ZNF14: variants seen among roughly 807,000 people sequenced by gnomAD.
The protein encoded by ZNF14 is gonadotropin inducible transcription repressor-4.
In ZNF14, 9 loss-of-function variants were observed where a neutral mutation model predicts 11.3. The observed-to-expected ratio is 0.80, with a 90% confidence interval of 0.48 to 1.39. The LOEUF (loss-of-function observed/expected upper bound fraction) is 1.39, where lower values mean the gene tolerates loss of function less well. ZNF14 is among the 40% of genes most tolerant of loss of function. The pLI is 0.00. For missense variants in ZNF14, 711 were observed against 763.9 expected, an observed-to-expected ratio of 0.93 and a Z score of 0.82; for synonymous variants, 239 against 245.7, an observed-to-expected ratio of 0.97 and a Z score of 0.25.
chr19:19,716,930 G>T (rs2062379439), intron 1 of ZNF14, among the ~76,000 whole-genome samples: 3 of 152,118 alleles, frequency 2.0e-5, no homozygotes, highest in Admixed American at 6.6e-5. Context: ...GTGACCTGGG[G>T]GCAGGGACAC....
In ZNF14 at chr19:19,715,164, A is replaced by G. The variant is rs77190608; in HGVS notation, c.4-677T>C. ...GTGAGAAAAACTCATTTCCTACCTT[A>G]TTACGTACCATATCACTCAGCATTT... On this transcript the variant is annotated intron_variant, in intron 1 of 3. Coordinates refer to ENST00000344099, the MANE Select transcript of ZNF14 (RefSeq NM_021030.3). 1.5e-3 allele frequency among the ~76,000 whole-genome samples: 232 copies of G among 152,344 alleles called. 1 individual carries two copies. The highest frequency in any genetic ancestry group is 5.4e-3 in the African/African-American group (224 of 41,582).
intron 1 of ZNF14, among the ~76,000 whole-genome samples, chr19:19,718,782 T>C (rs1420030506): frequency 6.6e-6 from 1 of 152,208 alleles, no homozygotes; most frequent in Non-Finnish European, 1.5e-5. Context: ...ACTCTTTTTT[T>C]TGAGACATTG....
In ZNF14 at chr19:19,727,659, T is replaced by C. The variant is rs1264987864; in HGVS notation, c.3+5297A>G. Among the ~76,000 whole-genome samples, 4 of 133,086 alleles carry C rather than the reference T, an allele frequency of 3.0e-5. 1 individual carries two copies. The highest frequency in any genetic ancestry group is 3.0e-4 in the Admixed American group (4 of 13,534). The allele number at this position is 133,086 out of a possible 152,430, so 87.3% of individuals were successfully genotyped here. On this transcript the variant is annotated intron_variant, in intron 1 of 3. Transcript: ENST00000344099. ...CTTTTTTGAACAACTGCCAGAAAAATCAAGGGACTAATAATATGTAGTCTC... is the reference window on the plus strand; with the variant it reads ...CTTTTTTGAACAACTGCCAGAAAAACCAAGGGACTAATAATATGTAGTCTC...
At chr19:19,714,174 C>T in intron 2 of ZNF14, 23 bp from the exon 3 acceptor site, 1 of 1,607,540 alleles carries the variant, frequency 6.2e-7, no homozygotes, top group African/African-American at 1.3e-5. Context: ...CCCAGAAAGA[C>T]CATTAAAAAT....
At chr19:19,719,314 A>G (rs1373180874) in intron 1 of ZNF14, among the ~76,000 whole-genome samples, 1 of 152,240 alleles carries the variant, frequency 6.6e-6, no homozygotes, top group Non-Finnish European at 1.5e-5. Context: ...GAAAAAATAA[A>G]TACAAGTAAA....
intron 1 of ZNF14, among the ~76,000 whole-genome samples, chr19:19,728,979 A>G (rs2062414950): frequency 6.6e-6 from 1 of 152,116 alleles, no homozygotes; most frequent in Non-Finnish European, 1.5e-5. Context: ...ACACCCAGTA[A>G]TCTTTTCCCC....
At position 19,714,149 on chromosome 19, in the gene ZNF14, T is replaced by C. The variant is rs1473233245; in HGVS notation, c.133A>G (p.Lys45Glu). Residue 45 changes from lysine to glutamate, a missense_variant and splice_region_variant, in exon 3 of 4, where the codon AAA (lysine) becomes GAA (glutamate). Transcript: ENST00000344099. ...ETFKNLVCLGKKWEDQDIEDD... is the reference protein window; with the variant it reads ...ETFKNLVCLGEKWEDQDIEDD... ...TCAATGTCCTGGTCTTCCCACTTTT[T>C]TCCTAAAATGCATACCCAGAAAGAC... The C allele has an allele frequency of 2.5e-6, 4 of 1,612,902 alleles. No individual in the cohort carries two copies. The highest frequency in any genetic ancestry group is 4.5e-5 in the East Asian group (2 of 44,872).
chr19:19,732,883 G>C (rs2062428120), intron 1 of ZNF14, 73 bp downstream of exon 1: 1 of 1,592,606 alleles, frequency 6.3e-7, no homozygotes, highest in East Asian at 2.3e-5. Flanking sequence ...TTGACTGCAA[G>C]GAGGTCCCCG....
intron 1 of ZNF14, among the ~76,000 whole-genome samples, chr19:19,723,441 C>T (rs1179555584): frequency 6.6e-6 from 1 of 152,138 alleles, no homozygotes; most frequent in Non-Finnish European, 1.5e-5. Context: ...CCAACTTGAT[C>T]ATGGTGGATA....
Position 19,712,656 on chromosome 19 carries a change from AAT to A in ZNF14, c.623_624del (p.Tyr208LeufsTer16). 1 of 1,614,056 alleles carries A rather than the reference AAT, an allele frequency of 6.2e-7. No individual in the cohort carries two copies. Among genetic ancestry groups the A allele is most frequent in the Non-Finnish European group, 8.5e-7 (1 of 1,179,998 alleles). ...TGAGCATGTTTTTGAAAAGACTGGT[AAT>A]ATATAAAGGTTTTTCCACATTGCTT... ...ECKQCGKTFI[Y>X]YQSFQKHAHT... On this transcript the variant is annotated frameshift_variant, in exon 4 of 4. Coordinates refer to ENST00000344099, the MANE Select transcript of ZNF14 (RefSeq NM_021030.3). LOFTEE classifies it low-confidence loss of function (END_TRUNC).
Position 19,711,395 on chromosome 19 carries a change from T to C in ZNF14, c.1886A>G (p.His629Arg), listed in dbSNP as rs774975058. 6.9e-6 allele frequency: 11 copies of C among 1,589,140 alleles called. No individual in the cohort carries two copies. The highest frequency in any genetic ancestry group is 1.4e-5 in the African/African-American group (1 of 73,688). The change falls in exon 4 of 4, where the codon CAC becomes CGC. Residue 629 changes from histidine (H) to arginine (R), a missense_variant. Physicochemically the swap from His to Arg is conservative, Grantham distance 29. Transcript: ENST00000344099. ...ATGAGTCCTTTCATGCAGTCGAAAG[T>C]GACTGGAAGAAATGAAGGCTTTTCC... Reference protein sequence around the residue: ...QCGKAFISSSHFRLHERTHMG... With the variant: ...QCGKAFISSSRFRLHERTHMG...
chr19:19,721,565 T>C (rs1178487440), intron 1 of ZNF14, among the ~76,000 whole-genome samples: 2 of 152,210 alleles, frequency 1.3e-5, no homozygotes, highest in African/African-American at 2.4e-5. Context: ...ATAAGAATAA[T>C]TGAAGGTATA....
intron 1 of ZNF14, among the ~76,000 whole-genome samples, chr19:19,724,084 A>G (rs1407031287): frequency 1.5e-5 from 2 of 132,654 alleles, no homozygotes; most frequent in African/African-American, 5.6e-5. Flanking sequence ...TATCTCCTTC[A>G]GTTCTGCTCT....
At chr19:19,721,330 C>T (rs969810236) in intron 1 of ZNF14, among the ~76,000 whole-genome samples, 1 of 152,156 alleles carries the variant, frequency 6.6e-6, no homozygotes, top group African/African-American at 2.4e-5. Context: ...AAAGATTATA[C>T]CTTACAAGGG....
rs1227297911 is a variant in ZNF14 at position 19,720,048 on chromosome 19, T to C, written c.4-5561A>G. Among the ~76,000 whole-genome samples, 1 of 152,172 alleles carries C rather than the reference T, an allele frequency of 6.6e-6. No individual in the cohort carries two copies. The highest frequency in any genetic ancestry group is 1.5e-5 in the Non-Finnish European group (1 of 68,036). On this transcript the variant is annotated intron_variant, in intron 1 of 3. Coordinates refer to ENST00000344099, the MANE Select transcript of ZNF14 (RefSeq NM_021030.3). The surrounding 1 kb of genome is among the most constrained non-coding windows in gnomAD (Gnocchi z 4.1). ...AGAAGACAAGGCAATCCTTAGTGTG[T>C]ATGTGCATAAAAACAGAGTGGCAAA...
chr19:19,712,247 T>C lies in ZNF14; in HGVS notation c.1034A>G (p.Asn345Ser). Residue 345 changes from asparagine (N) to serine (S), a missense_variant, in exon 4 of 4, where the codon AAC (asparagine) becomes AGC (serine). Coordinates refer to ENST00000344099, the MANE Select transcript of ZNF14 (RefSeq NM_021030.3). Reference sequence around the variant, plus strand: ...ATGCACTCGACAGGAATTAGAAGAGTTGAAGGCTTTCCCACATTCTTTACA... The same window carrying C: ...ATGCACTCGACAGGAATTAGAAGAGCTGAAGGCTTTCCCACATTCTTTACA... ...YKCKECGKAF[N>S]SSNSCRVHER... 6.2e-7 allele frequency: 1 copy of C among 1,613,578 alleles called. No homozygotes were observed. Among genetic ancestry groups the C allele is most frequent in the Non-Finnish European group, 8.5e-7 (1 of 1,179,896 alleles).
Position 19,733,101 on chromosome 19 carries a change from G to T in ZNF14, c.-143C>A. 9.4e-7 allele frequency: 1 copy of T among 1,069,018 alleles called. No homozygotes were observed. The highest frequency in any genetic ancestry group is 1.5e-5 in the South Asian group (1 of 65,408). The allele number at this position is 1,069,018 out of a possible 1,614,324, so 66.2% of individuals were successfully genotyped here. A position where few individuals can be genotyped will look rare whatever the true frequency, so the allele number is the denominator to read the frequency against. On this transcript the variant is annotated 5_prime_UTR_variant, in exon 1 of 4. Coordinates refer to ENST00000344099, the MANE Select transcript of ZNF14 (RefSeq NM_021030.3). ...AATCTTCCCATGGGCCAGGAATGGCGACGTCCGCACTGCGCAGGCCCAGCG... is the reference window on the plus strand; with the variant it reads ...AATCTTCCCATGGGCCAGGAATGGCTACGTCCGCACTGCGCAGGCCCAGCG...
At position 19,726,011 on chromosome 19, in the gene ZNF14, G is replaced by A. The variant is rs1427390555; in HGVS notation, c.3+6945C>T. On this transcript the variant is annotated intron_variant, in intron 1 of 3. Transcript: ENST00000344099. ...TTTTCAAGGTTTTTAGCTTCTTTGC[G>A]ATGGGTCTGAACATCCTCCTTTAGC... Among the ~76,000 whole-genome samples the A allele has an allele frequency of 8.3e-5, 11 of 131,864 alleles. 4 individuals are homozygous for A. The highest frequency in any genetic ancestry group is 4.5e-4 in the Admixed American group (6 of 13,362). 86.5% of individuals were successfully genotyped at this position (131,864 alleles called of 152,430 possible). A position where few individuals can be genotyped will look rare whatever the true frequency, so the allele number is the denominator to read the frequency against.
chr19:19,718,041 C>T (rs1158464960), intron 1 of ZNF14, among the ~76,000 whole-genome samples: 2 of 152,212 alleles, frequency 1.3e-5, no homozygotes, highest in Non-Finnish European at 2.9e-5. Flanking sequence ...TAAAACCTCA[C>T]ACTCAAGGCC....
Sources: gnomAD v4.1 joint callset for allele counts (sites outside exome capture counted in the v4.1 genomes callset) on GRCh38, gnomAD v4.1.1 for gene constraint, Gnocchi (gnomAD v3.1) non-coding constraint, MANE v1.5 for transcripts, NCBI Gene and HGNC (gene_info 2026-07-23, HGNC 2026-07-21) for gene names.